The following NOTCH3 variants were observed in gnomAD, a reference collection of about 807,000 sequenced individuals.
NOTCH3 encodes neurogenic locus notch homolog protein 3.
NOTCH3 carries 86 observed loss-of-function variants against 213.3 expected under a neutral mutation model. The observed-to-expected ratio is 0.40, with a 90% CI of 0.34 to 0.48. NOTCH3 has a LOEUF of 0.48. Ranked by LOEUF, NOTCH3 falls within the 20% of genes least tolerant of loss-of-function variation. The pLI is 0.57. For synonymous variants in NOTCH3, 1,354 were observed against 1,355.9 expected, an observed-to-expected ratio of 1.00 and a Z score of 0.03; for missense variants, 2,783 against 3,272.6, an observed-to-expected ratio of 0.85 and a Z score of 3.65.
chr19:15,176,529 G>A (rs1419663168), intron 24 of NOTCH3, among the ~76,000 whole-genome samples: 1 of 152,030 alleles, frequency 6.6e-6, no homozygotes, highest in Non-Finnish European at 1.5e-5. Flanking sequence ...GAGAGGCTAA[G>A]CTGGGTGGAT....
In NOTCH3 at chr19:15,170,552, C is replaced by T. The variant is rs1187413579; in HGVS notation, c.4893G>A (p.Gly1631=). The T allele has an allele frequency of 6.2e-7, 1 of 1,608,520 alleles. No homozygotes were observed. The highest frequency in any genetic ancestry group is 1.1e-5 in the South Asian group (1 of 91,008). Residue 1631 remains glycine, a splice_region_variant and synonymous_variant, in exon 27 of 33, where the codon GGG becomes GGA. Coordinates refer to ENST00000263388, the MANE Select transcript of NOTCH3 (RefSeq NM_000435.3). ...DFPYPLRDVR[G]EPLEPPEPSV... ...TGGGTTCTGGAGGCTCCAGCGGCTC[C>T]CCTAAGAGCAGGAAGCAGAGGGCGG... is the stretch of plus-strand genomic sequence containing the variant.
In NOTCH3 at chr19:15,170,546, C is replaced by G. The variant is rs200797732; in HGVS notation, c.4899G>C (p.Pro1633=). ...GGACGCTGGGTTCTGGAGGCTCCAG[C>G]GGCTCCCCTAAGAGCAGGAAGCAGA... is the stretch of plus-strand genomic sequence containing the variant. The part of the protein sequence containing the change: ...PYPLRDVRGE[P]LEPPEPSVPL... The change falls in exon 27 of 33, where the codon CCG becomes CCC. Residue 1633 remains proline, a synonymous_variant. Coordinates refer to ENST00000263388, the MANE Select transcript of NOTCH3 (RefSeq NM_000435.3). 5.3e-5 allele frequency: 86 copies of G among 1,608,788 alleles called. No homozygotes were observed. The East Asian group carries it at 1.3e-3, about 25-fold the overall frequency.
intron 1 of NOTCH3, among the ~76,000 whole-genome samples, chr19:15,200,077 G>T (rs897389411): frequency 2.6e-5 from 4 of 151,652 alleles, no homozygotes; most frequent in African/African-American, 9.7e-5. Flanking sequence ...GCCGGCTGGG[G>T]AGGGGCTCTG....
chr19:15,179,583 C>G lies in NOTCH3; in HGVS notation c.3328-87G>C. 3 of 1,412,102 alleles carry G rather than the reference C, an allele frequency of 2.1e-6. No homozygotes were observed. In the South Asian group the frequency reaches 3.6e-5, roughly 17 times the overall value. The allele number at this position is 1,412,102 out of a possible 1,614,324, so 87.5% of individuals were successfully genotyped here. On this transcript the variant is annotated intron_variant, in intron 20 of 32. Coordinates refer to ENST00000263388, the MANE Select transcript of NOTCH3 (RefSeq NM_000435.3). The stretch of plus-strand genomic sequence containing the variant: ...CCCATGAAGACGCAAAGAACCCCAG[C>G]ACAAAAGGACACACACAGATGTTCA...
chr19:15,167,523 A>G (rs2046696089), intron 28 of NOTCH3, 112 bp from the exon 29 acceptor site: 1 of 929,300 alleles, frequency 1.1e-6, no homozygotes, highest in East Asian at 2.6e-5. Context: ...AGATACACAC[A>G]GAGCCCTGGG....
intron 6 of NOTCH3, 136 bp from the exon 7 acceptor site, chr19:15,189,564 G>T: frequency 1.9e-6 from 2 of 1,067,402 alleles, no homozygotes; most frequent in Non-Finnish European, 2.8e-6. Context: ...TGTTGCCCAA[G>T]CTGGAGTACA....
rs2046837671 is a variant in NOTCH3 at position 15,181,132 on chromosome 19, G to A, written c.2823C>T (p.Asp941=). 1.2e-6 allele frequency: 2 copies of A among 1,605,924 alleles called. No individual in the cohort carries two copies. Among genetic ancestry groups the A allele is most frequent in the Non-Finnish European group, 1.7e-6 (2 of 1,176,848 alleles). The change falls in exon 18 of 33, where the codon GAC becomes GAT. Residue 941 remains aspartate (D), a synonymous_variant. Coordinates refer to ENST00000263388, the MANE Select transcript of NOTCH3 (RefSeq NM_000435.3). The part of the protein sequence containing the change: ...SSCFNGGTCV[D]GVNSFSCLCR... Reference sequence around the variant, plus strand: ...ACAGGCAGCTGAACGAGTTCACGCCGTCCACACAGGTCCCGCCATTGAAGC... The same window carrying A: ...ACAGGCAGCTGAACGAGTTCACGCCATCCACACAGGTCCCGCCATTGAAGC...
chr19:15,191,971 G>T lies in NOTCH3; in HGVS notation c.668C>A (p.Ala223Asp), dbSNP rs751670994. ...RQSGDLTYDC[A>D]CLPGFEGQNC... ...TAGGGCTCACTCACCAGGAAGACAG[G>T]CACAGTCGTAAGTGAGGTCGCCACT... The change falls in exon 4 of 33, where the codon GCC becomes GAC. Residue 223 changes from alanine to aspartate, a missense_variant. Coordinates refer to ENST00000263388, the MANE Select transcript of NOTCH3 (RefSeq NM_000435.3). The T allele has an allele frequency of 6.2e-7, 1 of 1,613,320 alleles. No homozygotes were observed. The highest frequency in any genetic ancestry group is 1.3e-5 in the African/African-American group (1 of 74,932).
rs2145428847 is a variant in NOTCH3, at chr19:15,184,999, A to G, written c.2317T>C (p.Ser773Pro). The G allele has an allele frequency of 1.3e-6, 2 of 1,524,226 alleles. No individual in the cohort carries two copies. Among genetic ancestry groups the G allele is most frequent in the Non-Finnish European group, 1.8e-6 (2 of 1,128,330 alleles). 94.4% of individuals were successfully genotyped at this position (1,524,226 alleles called of 1,614,324 possible). A position where few individuals can be genotyped will look rare whatever the true frequency, so the allele number is the denominator to read the frequency against. Residue 773 changes from serine to proline, a missense_variant, in exon 15 of 33, where the codon TCC (serine) becomes CCC (proline). Ser to Pro is a moderately conservative substitution (Grantham distance 74). Around this residue, in one of 6 missense-constraint regions of NOTCH3, gnomAD observed 861 missense variants for 909.1 expected, o/e 0.95. Coordinates refer to ENST00000263388, the MANE Select transcript of NOTCH3 (RefSeq NM_000435.3). ...TCACAGGGGTTCGGGGTGCAGGGGG[A>G]GAGGAGTTCACACTGACGTCCTGTT... ...GVQGRQCELL[S>P]PCTPNPCEHG...
At chr19:15,182,185 G>A (rs1369908219) in intron 16 of NOTCH3, among the ~76,000 whole-genome samples, 1 of 152,070 alleles carries the variant, frequency 6.6e-6, no homozygotes, top group African/African-American at 2.4e-5. Flanking sequence ...AATACATACT[G>A]GGTTTCAGAT....
At chr19:15,162,985 C>T (rs2046658532) in intron 31 of NOTCH3, among the ~76,000 whole-genome samples, 1 of 152,156 alleles carries the variant, frequency 6.6e-6, no homozygotes, top group African/African-American at 2.4e-5. Context: ...TTCACTGCAA[C>T]CTCTACCTGC....
rs776115188 is a variant in NOTCH3 at position 15,184,438 on chromosome 19, TGGCATCGTG to T, written c.2414_2422del (p.Pro805_Cys807del). The T allele has an allele frequency of 1.2e-6, 2 of 1,613,654 alleles. No individual in the cohort carries two copies. Among genetic ancestry groups the T allele is most frequent in the East Asian group, 4.5e-5 (2 of 44,894 alleles). ...GCCAGCACACTCGTCCACATCCTGC[TGGCATCGTG>T]GGCCTGGGGGTAGGGAGCAAGGTTA... On this transcript the variant is annotated inframe_deletion, in exon 16 of 33. Coordinates refer to ENST00000263388, the MANE Select transcript of NOTCH3 (RefSeq NM_000435.3).
At position 15,166,148 on chromosome 19, in the gene NOTCH3, T is replaced by C. The variant is rs974403154; in HGVS notation, c.5363-57A>G. On this transcript the variant is annotated intron_variant, in intron 29 of 32. Coordinates refer to ENST00000263388, the MANE Select transcript of NOTCH3 (RefSeq NM_000435.3). ...TAAACACAGGGCCTTTTCCAGGAAA[T>C]GTTATCAAGGGTACCCCATTAGGAG... The C allele has an allele frequency of 3.3e-6, 5 of 1,501,708 alleles. No homozygotes were observed. The African/African-American group carries it at 6.9e-5, about 21-fold the overall frequency. The allele number at this position is 1,501,708 out of a possible 1,614,324, so 93.0% of individuals were successfully genotyped here. A position where few individuals can be genotyped will look rare whatever the true frequency, so the allele number is the denominator to read the frequency against.
In NOTCH3 at chr19:15,179,223, G is replaced by A. The variant is rs1258221482; in HGVS notation, c.3520C>T (p.Pro1174Ser). 6.2e-7 allele frequency: 1 copy of A among 1,614,038 alleles called. No individual in the cohort carries two copies. Among genetic ancestry groups the A allele is most frequent in the Non-Finnish European group, 8.5e-7 (1 of 1,180,038 alleles). Residue 1174 changes from proline (P) to serine (S), a missense_variant, in exon 22 of 33, where the codon CCC becomes TCC. Transcript: ENST00000263388. ...CAGGTGCCATTGTGTAGGCACCGGGGCCCTGAGTCCAGCGGTGGGCCTGGG... is the reference window on the plus strand; with the variant it reads ...CAGGTGCCATTGTGTAGGCACCGGGACCCTGAGTCCAGCGGTGGGCCTGGG... ...CGPGPPLDSG[P>S]RCLHNGTCVD...
At position 15,162,496 on chromosome 19, in the gene NOTCH3, T is replaced by G. The variant is rs1336028438; in HGVS notation, c.5882A>C (p.Asn1961Thr). ...NVEATLALLK[N>T]GANKDMQDSK... The stretch of plus-strand genomic sequence containing the variant: ...ATCCTGCATGTCCTTATTGGCTCCA[T>G]TTTTGAGCAGGGCCAAAGTGGCTTC... The change falls in exon 32 of 33, where the codon AAT becomes ACT. Residue 1961 changes from asparagine (N) to threonine (T), a missense_variant. By Grantham distance (65) the Asn-to-Thr change is moderately conservative. This residue lies in a region of NOTCH3 where 636 missense variants were observed against 801.8 expected (regional missense o/e 0.79). Coordinates refer to ENST00000263388, the MANE Select transcript of NOTCH3 (RefSeq NM_000435.3). 1 of 1,613,782 alleles carries G rather than the reference T, an allele frequency of 6.2e-7. No homozygotes were observed. Among genetic ancestry groups the G allele is most frequent in the East Asian group, 2.2e-5 (1 of 44,880 alleles).
In NOTCH3 at chr19:15,170,080, C is replaced by T; in HGVS notation, c.5199+6G>A. On this transcript the variant is annotated splice_donor_region_variant and intron_variant, in intron 28 of 32. Transcript: ENST00000263388. ...GAGGGGGCAAAGGTCAGAGGGGGGG[C>T]AGTACCTTTAGCCGCTTGGCCTCTG... 1 of 1,555,904 alleles carries T rather than the reference C, an allele frequency of 6.4e-7. No homozygotes were observed.
In NOTCH3 at chr19:15,192,106, GGT is replaced by G; in HGVS notation, c.531_532del (p.Pro178TrpfsTer17). The G allele has an allele frequency of 6.2e-7, 1 of 1,613,180 alleles. No homozygotes were observed. Among genetic ancestry groups the G allele is most frequent in the Non-Finnish European group, 8.5e-7 (1 of 1,180,036 alleles). On this transcript the variant is annotated frameshift_variant, in exon 4 of 33. Transcript: ENST00000263388. LOFTEE classifies it high-confidence loss of function. ...TGGACACTGGCAGCGGAAGGAGCCA[GGT>G]GTGTTGAGGCAGGTGCCACCATGGC...
rs972863466 is a variant in NOTCH3 at position 15,160,449 on chromosome 19, G to A, written c.*213C>T. On this transcript the variant is annotated 3_prime_UTR_variant, in exon 33 of 33. Coordinates refer to ENST00000263388, the MANE Select transcript of NOTCH3 (RefSeq NM_000435.3). Reference sequence around the variant, plus strand: ...TCCCAGACTCTTCACAAGACTGAGAGGGTGGGTGGTAGCCCCCACCCATTA... The same window carrying A: ...TCCCAGACTCTTCACAAGACTGAGAAGGTGGGTGGTAGCCCCCACCCATTA... The A allele has an allele frequency of 5.0e-6, 3 of 598,926 alleles. No individual in the cohort carries two copies. The highest frequency in any genetic ancestry group is 2.8e-5 in the Admixed American group (1 of 35,766). 37.1% of individuals were successfully genotyped at this position (598,926 alleles called of 1,614,324 possible). A position where few individuals can be genotyped will look rare whatever the true frequency, so the allele number is the denominator to read the frequency against.
Position 15,160,976 on chromosome 19 carries a change from C to A in NOTCH3, c.6652G>T (p.Gly2218Cys). The change falls in exon 33 of 33, where the codon GGC (glycine) becomes TGC (cysteine). Residue 2218 changes from glycine to cysteine, a missense_variant. Transcript: ENST00000263388. ...PPPYLAVPGHGEEYPAAGAHS... is the reference protein window; with the variant it reads ...PPPYLAVPGHCEEYPAAGAHS... ...GCCCCAGCCGCCGGGTACTCCTCGC[C>A]ATGTCCTGGGACTGCCAGGTAAGGC... The A allele has an allele frequency of 6.4e-7, 1 of 1,569,140 alleles. No individual in the cohort carries two copies. The highest frequency in any genetic ancestry group is 8.6e-7 in the Non-Finnish European group (1 of 1,158,104).
Sources: allele counts gnomAD v4.1 joint callset (sites outside exome capture counted in the v4.1 genomes callset), GRCh38; gene constraint gnomAD v4.1.1; regional missense constraint gnomAD v4.1.1; transcripts MANE v1.5; gene names NCBI Gene and HGNC (gene_info 2026-07-23, HGNC 2026-07-21).